Variants in PARVB observed in about 807,000 individuals in gnomAD.
PARVB encodes the protein parvin beta, also known as beta-parvin.
PARVB carries 46 observed loss-of-function variants against 47.0 expected under a neutral mutation model. That is an observed-to-expected ratio of 0.98 (90% confidence interval 0.77 to 1.25). The LOEUF is 1.25. Ranked by LOEUF, PARVB falls within the 50% of genes most tolerant of loss-of-function variation. The pLI is 0.00. For missense variants in PARVB, 473 were observed against 471.6 expected (o/e 1.00, Z -0.03); for synonymous variants, 196 against 196.3 (o/e 1.00, Z 0.01).
intron 5 of PARVB, among the ~76,000 whole-genome samples, chr22:44,132,262 T>G (rs971162321): frequency 6.6e-6 from 1 of 152,150 alleles, no homozygotes; most frequent in Non-Finnish European, 1.5e-5. Context: ...CCCGGTTTCT[T>G]GGTATCGAGA....
chr22:44,145,748 GC>G (rs1264793598), intron 8 of PARVB: 2 of 152,250 alleles, frequency 1.3e-5, no homozygotes, highest in Non-Finnish European at 2.9e-5. Flanking sequence ...GGCCTCTGCG[GC>G]CCCGATGTCT....
rs1311003572 is a variant in PARVB, at chr22:44,169,693, T to C, written c.*1015T>C. 6.8e-6 allele frequency: 1 copy of C among 146,816 alleles called. No individual in the cohort carries two copies. The highest frequency in any genetic ancestry group is 1.5e-5 in the Non-Finnish European group (1 of 68,096). 9.1% of individuals were successfully genotyped at this position (146,816 alleles called of 1,614,324 possible). On this transcript the variant is annotated 3_prime_UTR_variant, in exon 13 of 13. Coordinates refer to ENST00000338758, the MANE Select transcript of PARVB (RefSeq NM_013327.5). The stretch of plus-strand genomic sequence containing the variant: ...GTGTCTGTGTCCTCACCGCCTCTTT[T>C]ATTTTATTTTTTATTTTTGTTTTTA...
intron 5 of PARVB, among the ~76,000 whole-genome samples, chr22:44,132,136 G>A (rs2053340930): frequency 6.6e-6 from 1 of 152,202 alleles, no homozygotes; most frequent in South Asian, 2.1e-4. Context: ...CCCTCCCCTG[G>A]AAGCAGGGCC....
chr22:44,086,698 C>A, intron 1 of PARVB: 2 of 957,084 alleles, frequency 2.1e-6, no homozygotes, highest in Non-Finnish European at 2.5e-6. Flanking sequence ...GCTGCAAGAT[C>A]TTCACTGAAG....
intron 2 of PARVB, among the ~76,000 whole-genome samples, chr22:44,016,128 GCT>G (rs1229405262): frequency 7.8e-6 from 1 of 127,928 alleles, no homozygotes; most frequent in African/African-American, 3.1e-5. Flanking sequence ...ATGGAGTCTC[GCT>G]CTGTCGCCCA....
intron 2 of PARVB, among the ~76,000 whole-genome samples, chr22:44,019,217 T>C (rs569980350): frequency 1.4e-5 from 2 of 146,744 alleles, no homozygotes; most frequent in Middle Eastern, 4.1e-3. Flanking sequence ...ACGCCTGGCC[T>C]ATTTTTATTT....
chr22:44,119,865 G>A (rs2053002662), intron 4 of PARVB: 4 of 530,516 alleles, frequency 7.5e-6, no homozygotes, highest in South Asian at 5.6e-5. Context: ...GCCTGGCCTG[G>A]GGGTGGGGCG....
intron 3 of PARVB, chr22:44,106,772 A>G (rs370724406): frequency 3.3e-5 from 5 of 150,642 alleles, no homozygotes; most frequent in African/African-American, 1.2e-4. Context: ...CTGTTGCTGT[A>G]TAAAATATTG....
chr22:44,030,961 G>T (rs912563198), intron 1 of PARVB, among the ~76,000 whole-genome samples: 1 of 152,148 alleles, frequency 6.6e-6, no homozygotes, highest in Non-Finnish European at 1.5e-5. Flanking sequence ...ATATAGACAG[G>T]TGAGGGACCA....
At chr22:44,098,460 G>C (rs1229495713) in intron 2 of PARVB, among the ~76,000 whole-genome samples, 3 of 152,160 alleles carry the variant, frequency 2.0e-5, no homozygotes, top group Non-Finnish European at 4.4e-5. Flanking sequence ...AGGTGCCAAG[G>C]CTCAGGGCAG....
At chr22:44,007,168 G>T (rs1182523584) in intron 2 of PARVB, among the ~76,000 whole-genome samples, 1 of 152,138 alleles carries the variant, frequency 6.6e-6, no homozygotes, top group African/African-American at 2.4e-5. Context: ...GCGTTTGCGG[G>T]TACAGCGGGC....
At chr22:44,052,021 G>T (rs775005258) in intron 1 of PARVB, among the ~76,000 whole-genome samples, 2 of 152,192 alleles carry the variant, frequency 1.3e-5, no homozygotes, top group African/African-American at 4.8e-5. Context: ...GTGAGAGCAC[G>T]GCTCTGCCGA....
intron 2 of PARVB, among the ~76,000 whole-genome samples, chr22:44,014,454 T>A (rs1339805019): frequency 6.6e-6 from 1 of 152,166 alleles, no homozygotes; most frequent in African/African-American, 2.4e-5. Flanking sequence ...AAGTGTACAA[T>A]GTATGCATAG....
chr22:44,032,348 T>A (rs953239669), intron 1 of PARVB, among the ~76,000 whole-genome samples: 1 of 152,210 alleles, frequency 6.6e-6, no homozygotes, highest in Non-Finnish European at 1.5e-5. Flanking sequence ...CCTCCTCTGA[T>A]GTTCTGACTA....
intron 1 of PARVB, among the ~76,000 whole-genome samples, chr22:44,056,079 C>T (rs1261773211): frequency 1.3e-5 from 2 of 152,260 alleles, no homozygotes; most frequent in African/African-American, 4.8e-5. Flanking sequence ...CACACGCATG[C>T]ATCTCTGTCC....
At chr22:44,166,103 C>T (rs1013110937) in intron 12 of PARVB, among the ~76,000 whole-genome samples, 1 of 152,198 alleles carries the variant, frequency 6.6e-6, no homozygotes, top group Non-Finnish European at 1.5e-5. Flanking sequence ...TCTTTGTCCT[C>T]CCGAACCCAC....
intron 1 of PARVB, among the ~76,000 whole-genome samples, chr22:44,074,087 A>C (rs2051713186): frequency 6.6e-6 from 1 of 152,132 alleles, no homozygotes; most frequent in African/African-American, 2.4e-5. Context: ...ACATAAGATA[A>C]CAGAATGGCC....
chr22:44,075,593 T>G lies in PARVB; in HGVS notation c.113-18335T>G, dbSNP rs940784188. Among the ~76,000 whole-genome samples the G allele has an allele frequency of 2.6e-5, 4 of 152,190 alleles. No individual in the cohort carries two copies. The East Asian group carries it at 7.7e-4, about 29-fold the overall frequency. On this transcript the variant is annotated intron_variant, in intron 1 of 12. Coordinates refer to ENST00000338758, the MANE Select transcript of PARVB (RefSeq NM_013327.5). Reference sequence around the variant, plus strand: ...TGCCCTGAGATCCCCGTGCCCCACCTGCTCATCCCTGTCTCCCTCTCACTC... The same window carrying G: ...TGCCCTGAGATCCCCGTGCCCCACCGGCTCATCCCTGTCTCCCTCTCACTC...
intron 11 of PARVB, among the ~76,000 whole-genome samples, chr22:44,162,221 G>A (rs2054069332): frequency 6.6e-6 from 1 of 152,166 alleles, no homozygotes; most frequent in African/African-American, 2.4e-5. Flanking sequence ...TCTTTTTCCT[G>A]GTTAATTATT....
Sources: allele counts gnomAD v4.1 joint callset (sites outside exome capture counted in the v4.1 genomes callset), GRCh38; gene constraint gnomAD v4.1.1; transcripts MANE v1.5; gene names NCBI Gene and HGNC (gene_info 2026-07-23, HGNC 2026-07-21).